Variants in DIDO1 observed in about 807,000 individuals in gnomAD.
DIDO1 encodes death-inducer obliterator 1.
Under a neutral mutation model 99.4 loss-of-function variants are expected in DIDO1, and 16 were observed. The observed-to-expected ratio is 0.16, with a 90% CI of 0.11 to 0.24. DIDO1 has a LOEUF of 0.24. Ranked by LOEUF, DIDO1 falls within the 10% of genes least tolerant of loss-of-function variation. DIDO1 has a pLI of 1.00. For synonymous variants in DIDO1, 1,366 were observed against 1,239.1 expected, an observed-to-expected ratio of 1.10 and a Z score of -2.15; for missense variants, 2,996 against 3,014.0, an observed-to-expected ratio of 0.99 and a Z score of 0.14.
Position 62,896,167 on chromosome 20 carries a change from G to C in DIDO1, c.2214+66C>G, listed in dbSNP as rs945616239. 6.8e-7 allele frequency: 1 copy of C among 1,465,176 alleles called. No homozygotes were observed. Among genetic ancestry groups the C allele is most frequent in the African/African-American group, 1.4e-5 (1 of 70,178 alleles). The allele number at this position is 1,465,176 out of a possible 1,614,324, so 90.8% of individuals were successfully genotyped here. The stretch of plus-strand genomic sequence containing the variant: ...AGGACACGAACATCTCAAAATATTG[G>C]TTGATCCCTTTAGCACCCAGCGAAC... On this transcript the variant is annotated intron_variant, in intron 8 of 15. Transcript: ENST00000395343. This position sits in a 1 kb window ranked among gnomAD's most constrained non-coding sequence, Gnocchi z 4.4.
chr20:62,899,359 T>C (rs2064610012), intron 6 of DIDO1, among the ~76,000 whole-genome samples: 1 of 152,242 alleles, frequency 6.6e-6, no homozygotes, highest in Admixed American at 6.5e-5. Context: ...GTATCTTTAA[T>C]GATGTTTAAC....
At position 62,893,966 on chromosome 20, in the gene DIDO1, C is replaced by T; in HGVS notation, c.2801G>A (p.Gly934Glu). ...CGGGGAGGGCTCGGGATGGCCATCT[C>T]CTGGAGGCCCAGGGAAATACGTTCT... is the stretch of plus-strand genomic sequence containing the variant. ...VDRTYFPGPP[G>E]DGHPEPSPLE... Residue 934 changes from glycine (G) to glutamate (E), a missense_variant, in exon 12 of 16, where the codon GGA becomes GAA. By Grantham distance (98) the Gly-to-Glu change is moderately conservative. This residue lies in a region of DIDO1 where 898 missense variants were observed against 972.7 expected (regional missense o/e 0.92). Coordinates refer to ENST00000395343, the MANE Select transcript of DIDO1 (RefSeq NM_001193369.2). 6.2e-7 allele frequency: 1 copy of T among 1,613,128 alleles called. No homozygotes were observed. Among genetic ancestry groups the T allele is most frequent in the Non-Finnish European group, 8.5e-7 (1 of 1,179,208 alleles).
intron 4 of DIDO1, 114 bp downstream of exon 4, chr20:62,909,585 A>C (rs1454888160): frequency 7.8e-7 from 1 of 1,281,860 alleles, no homozygotes. Context: ...AACCCGGGAG[A>C]GGCACCGCCC....
intron 6 of DIDO1, among the ~76,000 whole-genome samples, chr20:62,903,324 G>A (rs986631318): frequency 6.6e-6 from 1 of 152,214 alleles, no homozygotes; most frequent in African/African-American, 2.4e-5. Context: ...CCATGGGAAG[G>A]ACAGGAGGGT....
Position 62,896,103 on chromosome 20 carries a change from G to A in DIDO1, c.2214+130C>T. On this transcript the variant is annotated intron_variant, in intron 8 of 15. Coordinates refer to ENST00000395343, the MANE Select transcript of DIDO1 (RefSeq NM_001193369.2). The surrounding 1 kb of genome is among the most constrained non-coding windows in gnomAD (Gnocchi z 4.4). Reference sequence around the variant, plus strand: ...TGCAACAATACGTGGGCGGCAGAAGGATCACAGAGGAGAAAGAAACGTCTT... The same window carrying A: ...TGCAACAATACGTGGGCGGCAGAAGAATCACAGAGGAGAAAGAAACGTCTT... 9.8e-7 allele frequency: 1 copy of A among 1,019,694 alleles called. No individual in the cohort carries two copies. Among genetic ancestry groups the A allele is most frequent in the Non-Finnish European group, 1.4e-6 (1 of 697,734 alleles). 63.2% of individuals were successfully genotyped at this position (1,019,694 alleles called of 1,614,324 possible).
intron 15 of DIDO1, chr20:62,888,009 T>C (rs2064324563): frequency 1.0e-6 from 1 of 985,488 alleles, no homozygotes. Context: ...CAGCTACTGC[T>C]GTGAACTGCA....
chr20:62,926,430 A>G lies in DIDO1; in HGVS notation c.-200+9T>C, dbSNP rs1424517409. Reference sequence around the variant, plus strand: ...CTACCCGGCGCCCGGGACGCCACTTACCGCAGGCCGCAGGCCTCTAGGGTC... The same window carrying G: ...CTACCCGGCGCCCGGGACGCCACTTGCCGCAGGCCGCAGGCCTCTAGGGTC... On this transcript the variant is annotated intron_variant, in intron 1 of 15. Coordinates refer to ENST00000395343, the MANE Select transcript of DIDO1 (RefSeq NM_001193369.2). 6.6e-6 allele frequency: 1 copy of G among 151,224 alleles called. No homozygotes were observed. The highest frequency in any genetic ancestry group is 1.5e-5 in the Non-Finnish European group (1 of 67,704). The allele number at this position is 151,224 out of a possible 1,614,324, so 9.4% of individuals were successfully genotyped here. A position where few individuals can be genotyped will look rare whatever the true frequency, so the allele number is the denominator to read the frequency against.
At chr20:62,905,694 T>TG in intron 6 of DIDO1, 193 bp downstream of exon 6, 1 of 1,608,822 alleles carries the variant, frequency 6.2e-7, no homozygotes, top group Non-Finnish European at 8.5e-7. Context: ...CAGGAAGTCC[T>TG]GACAGACTAG....
intron 4 of DIDO1, among the ~76,000 whole-genome samples, chr20:62,908,155 T>A (rs1219523804): frequency 1.3e-5 from 2 of 152,094 alleles, no homozygotes; most frequent in Non-Finnish European, 2.9e-5. Context: ...CATTATTTAT[T>A]TTTTTGTAGA....
intron 15 of DIDO1, among the ~76,000 whole-genome samples, chr20:62,883,602 G>A (rs959118203): frequency 1.3e-5 from 2 of 152,126 alleles, no homozygotes; most frequent in Admixed American, 6.5e-5. Flanking sequence ...TGAGGTGGGC[G>A]GATCATGAGG....
chr20:62,920,533 T>G (rs1230243130), intron 1 of DIDO1, among the ~76,000 whole-genome samples: 1 of 152,208 alleles, frequency 6.6e-6, no homozygotes, highest in Non-Finnish European at 1.5e-5. Flanking sequence ...CACTAAAAAT[T>G]GTTCAAAGAC....
intron 1 of DIDO1, among the ~76,000 whole-genome samples, chr20:62,925,648 C>T (rs1198898001): frequency 6.6e-6 from 1 of 152,216 alleles, no homozygotes. Context: ...AGCAGAAAAG[C>T]CGGCCTTGAC....
upstream of DIDO1, among the ~76,000 whole-genome samples, chr20:62,927,183 T>C (rs761732912): frequency 9.9e-5 from 15 of 152,156 alleles, no homozygotes; most frequent in Non-Finnish European, 1.8e-4. Context: ...CCAGGGACCT[T>C]GGCGGTGTGG....
chr20:62,920,202 T>A (rs150723191), intron 1 of DIDO1, among the ~76,000 whole-genome samples: 1 of 152,168 alleles, frequency 6.6e-6, no homozygotes, highest in East Asian at 1.9e-4. Flanking sequence ...ACCATGTGAG[T>A]GGGGTGCGCT....
rs1302777390 is a variant in DIDO1 at position 62,880,371 on chromosome 20, T to C, written c.5585A>G (p.Glu1862Gly). 1.2e-6 allele frequency: 2 copies of C among 1,612,808 alleles called. No individual in the cohort carries two copies. The highest frequency in any genetic ancestry group is 1.7e-6 in the Non-Finnish European group (2 of 1,180,006). The change falls in exon 16 of 16, where the codon GAG (glutamate) becomes GGG (glycine). Residue 1862 changes from glutamate (E) to glycine (G), a missense_variant. Physicochemically the swap from Glu to Gly is moderately conservative, Grantham distance 98. Transcript: ENST00000395343. ...AAACTGGGCGGGGGCGCCCGTCACC[T>C]CGTTATACGGGGCGTCCTGGAACTC... ...KREFQDAPYN[E>G]VTGAPAQFEG...
chr20:62,888,903 T>G (rs1600922221), intron 15 of DIDO1: 1 of 985,350 alleles, frequency 1.0e-6, no homozygotes. Context: ...AGTCTTAAGT[T>G]AAAACATTTC....
At chr20:62,924,014 C>T (rs1422771850) in intron 1 of DIDO1, among the ~76,000 whole-genome samples, 1 of 152,246 alleles carries the variant, frequency 6.6e-6, no homozygotes, top group Non-Finnish European at 1.5e-5. Context: ...CTAGACAACA[C>T]AGACTGTCTC....
Position 62,937,627 on chromosome 20 carries a change from C to G in DIDO1, c.-200+169G>C, listed in dbSNP as rs148736035. Among the ~76,000 whole-genome samples the G allele has an allele frequency of 8.6e-3, 1,315 of 152,324 alleles. 7 individuals are homozygous for G. The highest frequency in any genetic ancestry group is 0.014 in the Non-Finnish European group (941 of 68,020). On this transcript the variant is annotated intron_variant, in intron 1 of 15. Coordinates refer to the DIDO1 transcript ENST00000266070. Reference sequence around the variant, plus strand: ...CAGACAGCACAGCTCTCGCCCAGCCCGGTCTCGGGTCAGCCGTCTCTCCCT... The same window carrying G: ...CAGACAGCACAGCTCTCGCCCAGCCGGGTCTCGGGTCAGCCGTCTCTCCCT...
Position 62,881,257 on chromosome 20 carries a change from C to T in DIDO1, c.4699G>A (p.Ala1567Thr). ...HRDPRQARRL[A>T]TETGEGEGEP... ...CCCTCCCCCTCACCGGTCTCAGTGG[C>T]CAGGCGCCTCGCCTGCCGGGGGTCC... The change falls in exon 16 of 16, where the codon GCC becomes ACC. Residue 1567 changes from alanine to threonine, a missense_variant. Coordinates refer to ENST00000395343, the MANE Select transcript of DIDO1 (RefSeq NM_001193369.2). This position sits in a 1 kb window ranked among gnomAD's most constrained non-coding sequence, Gnocchi z 8.3. 1 of 1,601,790 alleles carries T rather than the reference C, an allele frequency of 6.2e-7. No individual in the cohort carries two copies. The highest frequency in any genetic ancestry group is 8.5e-7 in the Non-Finnish European group (1 of 1,177,962).
Sources: gnomAD v4.1 joint callset for allele counts (sites outside exome capture counted in the v4.1 genomes callset) on GRCh38, gnomAD v4.1.1 for gene constraint, gnomAD v4.1.1 regional missense constraint, Gnocchi (gnomAD v3.1) non-coding constraint, MANE v1.5 for transcripts, NCBI Gene and HGNC (gene_info 2026-07-23, HGNC 2026-07-21) for gene names.